The following NFIB variants were observed in gnomAD, a reference collection of about 807,000 sequenced individuals.
The protein encoded by NFIB is nuclear factor 1 B-type.
A neutral mutation model predicts 61.5 loss-of-function variants in NFIB; 11 were observed. The ratio of observed to expected loss-of-function variants is 0.18; its 90% CI spans 0.11 to 0.30. NFIB has a LOEUF of 0.30. Ranked by LOEUF, NFIB falls within the 10% of genes least tolerant of loss-of-function variation. The probability of loss-of-function intolerance (pLI) is 1.00; values close to 1 mark genes in which losing one functional copy is unlikely to be tolerated. For missense variants in NFIB, 471 were observed against 608.9 expected (o/e 0.77, Z 2.38); for synonymous variants, 260 against 216.5 (o/e 1.20, Z -1.76).
In NFIB at chr9:14,082,265, A is replaced by G. The variant is rs1458504089; in HGVS notation, c.*6044T>C. 1 of 204,742 alleles carries G rather than the reference A, an allele frequency of 4.9e-6. No individual in the cohort carries two copies. Among genetic ancestry groups the G allele is most frequent in the Non-Finnish European group, 1.0e-5 (1 of 99,736 alleles). The allele number at this position is 204,742 out of a possible 1,614,324, so 12.7% of individuals were successfully genotyped here. A position where few individuals can be genotyped will look rare whatever the true frequency, so the allele number is the denominator to read the frequency against. On this transcript the variant is annotated 3_prime_UTR_variant, in exon 11 of 11. Transcript: ENST00000380953. ...TCTGTATTTATGGCCCATGAGGACAAAATGCCAAAAGTTTTAAAATGGATC... is the reference window on the plus strand; with the variant it reads ...TCTGTATTTATGGCCCATGAGGACAGAATGCCAAAAGTTTTAAAATGGATC...
intron 10 of NFIB, among the ~76,000 whole-genome samples, chr9:14,107,701 G>C (rs1301905072): frequency 1.3e-5 from 2 of 151,942 alleles, no homozygotes; most frequent in African/African-American, 4.8e-5. Flanking sequence ...CTAATCCCTG[G>C]TTCTCACCCA....
intron 1 of NFIB, chr9:14,361,320 C>T (rs934612204): frequency 6.6e-6 from 1 of 150,402 alleles, no homozygotes; most frequent in African/African-American, 2.4e-5. Context: ...GAGCCCATTA[C>T]TAATGCTGAT....
chr9:14,381,153 C>A (rs1353235180), intron 1 of NFIB, among the ~76,000 whole-genome samples: 2 of 151,300 alleles, frequency 1.3e-5, no homozygotes, highest in East Asian at 3.9e-4. Context: ...AATCTGTACA[C>A]CATCATGGAT....
the NFIB span, among the ~76,000 whole-genome samples, chr9:14,495,445 A>ATTTTTTTTTTTTTTTTTTTTTTTTT: frequency 2.0e-5 from 2 of 98,084 alleles, no homozygotes; most frequent in East Asian, 3.0e-4. Context: ...AGAGAAATGA[A>ATTTTTTTTTTTTTTTTTTTTTTTTT]CTTTTTTTTT....
chr9:14,255,902 T>C (rs142445197), intron 2 of NFIB, among the ~76,000 whole-genome samples: 108 of 152,330 alleles, frequency 7.1e-4, no homozygotes, highest in African/African-American at 2.5e-3. Context: ...TAGCATAGTA[T>C]TACTGAAGCG....
chr9:14,184,719 ACAT>A lies in NFIB; in HGVS notation c.563-4942_563-4940del, dbSNP rs2047155250. Among the ~76,000 whole-genome samples the A allele has an allele frequency of 2.6e-5, 4 of 152,204 alleles. No individual in the cohort carries two copies. In the South Asian group the frequency reaches 8.3e-4, roughly 32 times the overall value. ...TTTTTTTTGTAGGTCATTAATGTAA[ACAT>A]CATTTAAATGTAAATCAATTAAGAT... is the stretch of plus-strand genomic sequence containing the variant. On this transcript the variant is annotated intron_variant, in intron 2 of 10. Transcript: ENST00000380953.
At chr9:14,104,772 G>A (rs984622160) in intron 10 of NFIB, among the ~76,000 whole-genome samples, 28 of 151,734 alleles carry the variant, frequency 1.8e-4, no homozygotes, top group Non-Finnish European at 2.9e-4. Flanking sequence ...AAATTGTAGC[G>A]ATAAGATCTT....
rs1430857428 is a variant in NFIB, at chr9:14,357,957, A to T, written c.108+40567T>A. 4 of 152,350 alleles carry T rather than the reference A, an allele frequency of 2.6e-5. No individual in the cohort carries two copies. The East Asian group carries it at 7.7e-4, about 29-fold the overall frequency. The allele number at this position is 152,350 out of a possible 1,614,324, so 9.4% of individuals were successfully genotyped here. ...AATAGGCAATTCTATAGGGACAGAA[A>T]CTAGACTAGTGATTGGCTAGAGCTT... On this transcript the variant is annotated intron_variant, in intron 1 of 8. Transcript: ENST00000380934.
At chr9:14,181,276 T>C (rs2046740398) in intron 2 of NFIB, among the ~76,000 whole-genome samples, 1 of 152,192 alleles carries the variant, frequency 6.6e-6, no homozygotes, top group Non-Finnish European at 1.5e-5. Flanking sequence ...ACAGATTTCA[T>C]GAGATCTTGG....
At chr9:14,146,129 G>C (rs2042254918) in intron 6 of NFIB, among the ~76,000 whole-genome samples, 1 of 152,064 alleles carries the variant, frequency 6.6e-6, no homozygotes, top group Non-Finnish European at 1.5e-5. Flanking sequence ...ATTTCTTAAA[G>C]TTATATTTCT....
At chr9:14,441,193 C>G in the NFIB span, among the ~76,000 whole-genome samples, 1 of 148,116 alleles carries the variant, frequency 6.8e-6, no homozygotes, top group Non-Finnish European at 1.5e-5. Context: ...GGAAAACCAG[C>G]CTAATTGAAT....
At chr9:14,296,800 G>A (rs1222579207) in intron 2 of NFIB, among the ~76,000 whole-genome samples, 1 of 152,176 alleles carries the variant, frequency 6.6e-6, no homozygotes, top group Non-Finnish European at 1.5e-5. Flanking sequence ...GACATTTTCT[G>A]TGCTCTACAA....
Position 14,207,313 on chromosome 9 carries a change from A to C in NFIB, c.563-27533T>G, listed in dbSNP as rs560101075. Among the ~76,000 whole-genome samples the C allele has an allele frequency of 2.2e-4, 34 of 152,292 alleles. 1 individual carries two copies. In the South Asian group the frequency reaches 6.0e-3, roughly 27 times the overall value. ...GAGATACAGTCCAGGTAGAGGTTGC[A>C]CCTCTGCAATTACAGGGCTCCTTAG... On this transcript the variant is annotated intron_variant, in intron 2 of 10. Coordinates refer to ENST00000380953, the MANE Select transcript of NFIB (RefSeq NM_001190737.2).
the NFIB span, among the ~76,000 whole-genome samples, chr9:14,520,914 CA>C: frequency 6.6e-6 from 1 of 152,158 alleles, no homozygotes; most frequent in Non-Finnish European, 1.5e-5. Context: ...TACAGTGGTT[CA>C]AAAAAGTAGT....
At chr9:14,495,446 CTT>C in the NFIB span, among the ~76,000 whole-genome samples, 51 of 117,212 alleles carry the variant, frequency 4.4e-4, no homozygotes, top group African/African-American at 8.3e-4. Flanking sequence ...GAGAAATGAA[CTT>C]TTTTTTTTTT....
chr9:14,439,727 G>C, the NFIB span, among the ~76,000 whole-genome samples: 2 of 152,170 alleles, frequency 1.3e-5, no homozygotes, highest in South Asian at 2.1e-4. Flanking sequence ...AGATGGGCCA[G>C]AGTGCCTCAG....
At chr9:14,200,808 AC>A (rs1470116305) in intron 2 of NFIB, among the ~76,000 whole-genome samples, 1 of 152,138 alleles carries the variant, frequency 6.6e-6, no homozygotes, top group Non-Finnish European at 1.5e-5. Context: ...GTCCATGTTT[AC>A]AAATACTACC....
intron 1 of NFIB, among the ~76,000 whole-genome samples, chr9:14,353,434 G>T (rs1217727695): frequency 6.6e-6 from 1 of 152,102 alleles, no homozygotes; most frequent in African/African-American, 2.4e-5. Flanking sequence ...TGGCAGAGCG[G>T]GGGAGCTCCT....
At chr9:14,492,256 G>T in the NFIB span, among the ~76,000 whole-genome samples, 1 of 151,868 alleles carries the variant, frequency 6.6e-6, no homozygotes, top group African/African-American at 2.4e-5. Context: ...CCAGCTACTC[G>T]GGAGGCTGAG....
Sources: gnomAD v4.1 joint callset for allele counts (sites outside exome capture counted in the v4.1 genomes callset) on GRCh38, gnomAD v4.1.1 for gene constraint, MANE v1.5 for transcripts, NCBI Gene and HGNC (gene_info 2026-07-23, HGNC 2026-07-21) for gene names.